The following ZNF416 variants were observed in gnomAD, a reference collection of about 807,000 sequenced individuals.
The protein encoded by ZNF416 is zinc finger protein 416.
A neutral mutation model predicts 10.9 loss-of-function variants in ZNF416; 5 were observed. The observed-to-expected ratio is 0.46, with a 90% CI of 0.24 to 0.97. The LOEUF (loss-of-function observed/expected upper bound fraction) is 0.97, where lower values mean the gene tolerates loss of function less well. Among genes scored for constraint, ZNF416 ranks in the 50% least tolerant of loss-of-function variants. The probability of loss-of-function intolerance (pLI) is 0.19; values close to 1 mark genes in which losing one functional copy is unlikely to be tolerated. For synonymous variants in ZNF416, 267 were observed against 251.8 expected (o/e 1.06, Z -0.57); for missense variants, 675 against 715.0 (o/e 0.94, Z 0.64).
rs1978654570 is a variant in ZNF416 at position 57,578,807 on chromosome 19, G to A, written c.-103C>T. On this transcript the variant is annotated 5_prime_UTR_variant, in exon 1 of 4. Coordinates refer to ENST00000196489, the MANE Select transcript of ZNF416 (RefSeq NM_017879.3). ...GCGACCCACCGGCTGATGCGCAGCG[G>A]GGCGACCCCCGCTCTGTGCCGGAGG... 8.2e-7 allele frequency: 1 copy of A among 1,213,256 alleles called. No homozygotes were observed. Among genetic ancestry groups the A allele is most frequent in the Non-Finnish European group, 1.1e-6 (1 of 919,066 alleles). 75.2% of individuals were successfully genotyped at this position (1,213,256 alleles called of 1,614,324 possible).
At chr19:57,578,279 C>T (rs1478356046) in intron 1 of ZNF416, among the ~76,000 whole-genome samples, 181 bp from the exon 2 acceptor site, 2 of 152,180 alleles carry the variant, frequency 1.3e-5, no homozygotes, top group African/African-American at 4.8e-5. Flanking sequence ...GACTCAACTT[C>T]CCTGTGCCTC....
chr19:57,573,741 T>C (rs1476602914), intron 3 of ZNF416, 40 bp from the exon 4 acceptor site: 4 of 1,582,922 alleles, frequency 2.5e-6, no homozygotes, highest in Admixed American at 1.7e-5. Context: ...ACGTTGACTA[T>C]GATGGGAGTG....
rs1480536164 is a variant in ZNF416 at position 57,572,195 on chromosome 19, T to G, written c.1709A>C (p.Lys570Thr). ...ACGAGGCCTCTCCACAGTGTGAGAT[T>G]TTCGGTGGAGAATGAGGCCAGAGTG... is the stretch of plus-strand genomic sequence containing the variant. ...TQHSGLILHR[K>T]SHTVERPRDS... The change falls in exon 4 of 4, where the codon AAA becomes ACA. Residue 570 changes from lysine to threonine, a missense_variant. Coordinates refer to ENST00000196489, the MANE Select transcript of ZNF416 (RefSeq NM_017879.3). This position sits in a 1 kb window ranked among gnomAD's most constrained non-coding sequence, Gnocchi z 4.5. The G allele has an allele frequency of 2.5e-6, 4 of 1,614,058 alleles. No homozygotes were observed. The highest frequency in any genetic ancestry group is 3.4e-6 in the Non-Finnish European group (4 of 1,180,032).
Position 57,573,220 on chromosome 19 carries a change from G to C in ZNF416, c.684C>G (p.His228Gln), listed in dbSNP as rs145794172. ...SQCRRESSHK[H>Q]TFFHPRVCTG... is the part of the protein sequence containing the mutation. ...TGCAGACTCTAGGGTGAAAAAAAGT[G>C]TGTTTGTGGCTGGACTCTCTCCTGC... The change falls in exon 4 of 4, where the codon CAC becomes CAG. Residue 228 changes from histidine (H) to glutamine (Q), a missense_variant. Physicochemically the swap from His to Gln is conservative, Grantham distance 24. Transcript: ENST00000196489. 11,696 of 1,614,250 alleles carry C rather than the reference G, an allele frequency of 7.2e-3. 66 individuals carry two copies. The highest frequency in any genetic ancestry group is 0.01 in the Middle Eastern group (63 of 6,062).
At chr19:57,577,943 A>C (rs1022506982) in intron 2 of ZNF416, 114 bp downstream of exon 2, 1 of 1,163,392 alleles carries the variant, frequency 8.6e-7, no homozygotes, top group Non-Finnish European at 1.3e-6. Context: ...ATGTTTGTTC[A>C]GGATTCCTAG....
Position 57,575,767 on chromosome 19 carries a change from G to A in ZNF416, c.202+37C>T, listed in dbSNP as rs376357601. The A allele has an allele frequency of 2.4e-5, 39 of 1,613,490 alleles. 1 individual carries two copies. Among genetic ancestry groups the A allele is most frequent in the Middle Eastern group, 3.3e-4 (2 of 6,060 alleles). ...GCCTCTGAGGAAAAAGAGGATAGAC[G>A]AAGACCAGGACACGAGAGTGGGTGT... On this transcript the variant is annotated intron_variant, in intron 3 of 3. Coordinates refer to ENST00000196489, the MANE Select transcript of ZNF416 (RefSeq NM_017879.3). This position sits in a 1 kb window ranked among gnomAD's most constrained non-coding sequence, Gnocchi z 4.4.
intron 2 of ZNF416, among the ~76,000 whole-genome samples, chr19:57,576,755 T>C (rs912839419): frequency 6.6e-6 from 1 of 151,986 alleles, no homozygotes; most frequent in Non-Finnish European, 1.5e-5. Flanking sequence ...CCTCAACTTA[T>C]CCACCTCCCT....
chr19:57,574,042 C>T (rs1978430632), intron 3 of ZNF416, among the ~76,000 whole-genome samples: 1 of 152,008 alleles, frequency 6.6e-6, no homozygotes, highest in Admixed American at 6.6e-5. Flanking sequence ...CAAAACAAAA[C>T]AAAATAAAAA....
At chr19:57,576,325 C>A (rs1978533063) in intron 2 of ZNF416, among the ~76,000 whole-genome samples, 1 of 152,148 alleles carries the variant, frequency 6.6e-6, no homozygotes, top group African/African-American at 2.4e-5. Context: ...ATATGCACAT[C>A]ACTCTTTGAA....
chr19:57,573,911 C>T (rs1475277697), intron 3 of ZNF416, among the ~76,000 whole-genome samples: 1 of 152,138 alleles, frequency 6.6e-6, no homozygotes, highest in African/African-American at 2.4e-5. Flanking sequence ...GTGGTGGGTG[C>T]TACTCAAGAG....
chr19:57,578,193 G>A, intron 1 of ZNF416, 95 bp from the exon 2 acceptor site: 1 of 1,279,976 alleles, frequency 7.8e-7, no homozygotes, highest in Non-Finnish European at 1.1e-6. Context: ...CTGGAGCCAG[G>A]TGACTTGGTG....
At position 57,572,391 on chromosome 19, in the gene ZNF416, G is replaced by T; in HGVS notation, c.1513C>A (p.Gln505Lys). 6.2e-7 allele frequency: 1 copy of T among 1,614,212 alleles called. No homozygotes were observed. The highest frequency in any genetic ancestry group is 8.5e-7 in the Non-Finnish European group (1 of 1,180,032). Residue 505 changes from glutamine to lysine, a missense_variant, in exon 4 of 4, where the codon CAA becomes AAA. Transcript: ENST00000196489. This position sits in a 1 kb window ranked among gnomAD's most constrained non-coding sequence, Gnocchi z 4.5. ...ECSECGKFFRQSYTLVEHQKI... is the reference protein window; with the variant it reads ...ECSECGKFFRKSYTLVEHQKI... ...TGGTGTTCAACGAGGGTATAGCTTT[G>T]TCTAAAAAATTTCCCACATTCACTG...
Position 57,578,732 on chromosome 19 carries a change from G to A in ZNF416, c.-28C>T. 6.8e-7 allele frequency: 1 copy of A among 1,462,872 alleles called. No homozygotes were observed. Among genetic ancestry groups the A allele is most frequent in the Non-Finnish European group, 9.1e-7 (1 of 1,102,872 alleles). 90.6% of individuals were successfully genotyped at this position (1,462,872 alleles called of 1,614,324 possible). A position where few individuals can be genotyped will look rare whatever the true frequency, so the allele number is the denominator to read the frequency against. On this transcript the variant is annotated 5_prime_UTR_variant, in exon 1 of 4. Coordinates refer to ENST00000196489, the MANE Select transcript of ZNF416 (RefSeq NM_017879.3). ...GATTGTGAGCGGAGCGGGGCCGGGA[G>A]CGGCGGGCGACCCGGGGCGGGAACC...
Position 57,573,064 on chromosome 19 carries a change from G to C in ZNF416, c.840C>G (p.Ser280Arg). 1 of 1,613,910 alleles carries C rather than the reference G, an allele frequency of 6.2e-7. No homozygotes were observed. The highest frequency in any genetic ancestry group is 1.3e-5 in the African/African-American group (1 of 74,926). ...YECSECGKSFSQTSHLNDHRR... is the reference protein window; with the variant it reads ...YECSECGKSFRQTSHLNDHRR... ...GATGATCATTCAGATGAGAGGTTTG[G>C]CTAAAAGATTTCCCACATTCACTGC... is the stretch of plus-strand genomic sequence containing the variant. Residue 280 changes from serine (S) to arginine (R), a missense_variant, in exon 4 of 4, where the codon AGC becomes AGG. Physicochemically the swap from Ser to Arg is moderately radical, Grantham distance 110. Transcript: ENST00000196489.
At position 57,575,688 on chromosome 19, in the gene ZNF416, G is replaced by C. The variant is rs920582681; in HGVS notation, c.202+116C>G. 7.2e-7 allele frequency: 1 copy of C among 1,386,736 alleles called. No homozygotes were observed. The highest frequency in any genetic ancestry group is 1.4e-5 in the African/African-American group (1 of 70,258). The allele number at this position is 1,386,736 out of a possible 1,614,324, so 85.9% of individuals were successfully genotyped here. ...CAATGATTTCATTCCTTACACCACA[G>C]CACATACGCCAAGACAGTGGGGAAG... is the stretch of plus-strand genomic sequence containing the variant. On this transcript the variant is annotated intron_variant, in intron 3 of 3. Coordinates refer to ENST00000196489, the MANE Select transcript of ZNF416 (RefSeq NM_017879.3). This position sits in a 1 kb window ranked among gnomAD's most constrained non-coding sequence, Gnocchi z 4.4.
In ZNF416 at chr19:57,578,848, A is replaced by T; in HGVS notation, c.-144T>A. The T allele has an allele frequency of 1.2e-6, 1 of 808,764 alleles. No homozygotes were observed. Among genetic ancestry groups the T allele is most frequent in the Non-Finnish European group, 1.7e-6 (1 of 574,672 alleles). The allele number at this position is 808,764 out of a possible 1,614,324, so 50.1% of individuals were successfully genotyped here. ...GTGCCGGAGGCAGCGTTTCTAACTC[A>T]GGCGGCGTGGGCCGAGGTAGAGAAC... On this transcript the variant is annotated 5_prime_UTR_variant, in exon 1 of 4. Coordinates refer to ENST00000196489, the MANE Select transcript of ZNF416 (RefSeq NM_017879.3).
rs1978663493 is a variant in ZNF416 at position 57,578,910 on chromosome 19, C to T, written c.-206G>A. On this transcript the variant is annotated 5_prime_UTR_variant, in exon 1 of 4. Transcript: ENST00000196489. ...CCATCTCGGAGCGGTGCCGGAAGTC[C>T]CGCCTTACCGTATGCAACAAACGGA... 2 of 453,860 alleles carry T rather than the reference C, an allele frequency of 4.4e-6. No homozygotes were observed. Among genetic ancestry groups the T allele is most frequent in the Admixed American group, 4.3e-5 (1 of 23,176 alleles). The allele number at this position is 453,860 out of a possible 1,614,324, so 28.1% of individuals were successfully genotyped here. A position where few individuals can be genotyped will look rare whatever the true frequency, so the allele number is the denominator to read the frequency against.
At position 57,578,809 on chromosome 19, in the gene ZNF416, G is replaced by A. The variant is rs1978654745; in HGVS notation, c.-105C>T. On this transcript the variant is annotated 5_prime_UTR_variant, in exon 1 of 4. Coordinates refer to ENST00000196489, the MANE Select transcript of ZNF416 (RefSeq NM_017879.3). ...GACCCACCGGCTGATGCGCAGCGGG[G>A]CGACCCCCGCTCTGTGCCGGAGGCA... 2 of 1,196,834 alleles carry A rather than the reference G, an allele frequency of 1.7e-6. No individual in the cohort carries two copies. The highest frequency in any genetic ancestry group is 6.3e-5 in the East Asian group (2 of 31,940). The allele number at this position is 1,196,834 out of a possible 1,614,324, so 74.1% of individuals were successfully genotyped here. A position where few individuals can be genotyped will look rare whatever the true frequency, so the allele number is the denominator to read the frequency against.
rs1978472693 is a variant in ZNF416, at chr19:57,574,821, ATTATTCGGGCCC to A, written c.202+971_202+982del. 2.0e-5 allele frequency among the ~76,000 whole-genome samples: 3 copies of A among 152,326 alleles called. No individual in the cohort carries two copies. The South Asian group carries it at 6.2e-4, about 32-fold the overall frequency. Reference sequence around the variant, plus strand: ...CGTGTATGCTGTGCTGAAAGCTGGCATTATTCGGGCCCAAGATAATGCAATTGGAAGTGAGTG... The same window carrying A: ...CGTGTATGCTGTGCTGAAAGCTGGCAAAGATAATGCAATTGGAAGTGAGTG... On this transcript the variant is annotated intron_variant, in intron 3 of 3. Coordinates refer to ENST00000196489, the MANE Select transcript of ZNF416 (RefSeq NM_017879.3).
Sources: allele counts gnomAD v4.1 joint callset (sites outside exome capture counted in the v4.1 genomes callset), GRCh38; gene constraint gnomAD v4.1.1; non-coding constraint Gnocchi (gnomAD v3.1); transcripts MANE v1.5; gene names NCBI Gene and HGNC (gene_info 2026-07-23, HGNC 2026-07-21).